Variants in SGTB observed in about 807,000 individuals in gnomAD.
SGTB encodes small glutamine-rich tetratricopeptide repeat-containing protein beta.
SGTB carries 19 observed loss-of-function variants against 43.9 expected under a neutral mutation model. The ratio of observed to expected loss-of-function variants is 0.43; its 90% CI spans 0.30 to 0.63. The LOEUF (loss-of-function observed/expected upper bound fraction) is 0.63, where lower values mean the gene tolerates loss of function less well. Among genes scored for constraint, SGTB ranks in the 30% least tolerant of loss-of-function variants. The probability of loss-of-function intolerance (pLI) is 0.12; values close to 1 mark genes in which losing one functional copy is unlikely to be tolerated. For synonymous variants in SGTB, 116 were observed against 117.3 expected, an observed-to-expected ratio of 0.99 and a Z score of 0.07; for missense variants, 304 against 358.9, an observed-to-expected ratio of 0.85 and a Z score of 1.24.
At chr5:65,721,879 G>C (rs1758296209) in intron 1 of SGTB, 38 bp downstream of exon 1, 1 of 152,186 alleles carries the variant, frequency 6.6e-6, no homozygotes, top group African/African-American at 2.4e-5. Context: ...GGTCCGGAGC[G>C]GCGGGAGGCG....
intron 5 of SGTB, 69 bp downstream of exon 5, chr5:65,704,210 C>T: frequency 3.6e-6 from 4 of 1,106,800 alleles, no homozygotes; most frequent in Non-Finnish European, 3.8e-6. Context: ...TTAAGATTTG[C>T]ATTTTCCTTC....
intron 5 of SGTB, among the ~76,000 whole-genome samples, chr5:65,695,316 G>A (rs1358497844): frequency 1.1e-4 from 16 of 152,214 alleles, no homozygotes; most frequent in Admixed American, 1.0e-3. Flanking sequence ...AAGAGTGGGT[G>A]TAAGGAAGGA....
In SGTB at chr5:65,701,758, G is replaced by A. The variant is rs1482559716; in HGVS notation, c.374+2521C>T. ...CACCATTCTCCTGCCTCAGCCTCCT[G>A]AGTAGCTGGGACTACAGGCGCCTGC... On this transcript the variant is annotated intron_variant, in intron 5 of 10. Transcript: ENST00000381007. Among the ~76,000 whole-genome samples, 8 of 150,690 alleles carry A rather than the reference G, an allele frequency of 5.3e-5. 1 individual carries two copies. In the South Asian group the frequency reaches 1.5e-3, roughly 27 times the overall value.
chr5:65,709,283 G>T (rs939374246), intron 3 of SGTB, among the ~76,000 whole-genome samples: 1 of 151,466 alleles, frequency 6.6e-6, no homozygotes, highest in Admixed American at 6.6e-5. Flanking sequence ...TTTATAATAT[G>T]ATATTATATA....
intron 10 of SGTB, 23 bp downstream of exon 10, chr5:65,671,891 AT>A: frequency 6.2e-7 from 1 of 1,603,538 alleles, no homozygotes; most frequent in Non-Finnish European, 8.5e-7. Context: ...CATCTTCACT[AT>A]TTCTGTTTTA....
intron 2 of SGTB, among the ~76,000 whole-genome samples, chr5:65,717,690 T>C (rs1758177815): frequency 6.6e-6 from 1 of 151,974 alleles, no homozygotes; most frequent in Non-Finnish European, 1.5e-5. Flanking sequence ...TGAGAAAGTG[T>C]TAAAATGGTC....
rs114340754 is a variant in SGTB, at chr5:65,699,173, A to G, written c.374+5106T>C. Reference sequence around the variant, plus strand: ...TGAGTGGATAAAGAAGATGTGGTATATATGTATATACTATGGAATACTACT... The same window carrying G: ...TGAGTGGATAAAGAAGATGTGGTATGTATGTATATACTATGGAATACTACT... On this transcript the variant is annotated intron_variant, in intron 5 of 10. Coordinates refer to ENST00000381007, the MANE Select transcript of SGTB (RefSeq NM_019072.3). Among the ~76,000 whole-genome samples, 1,288 of 152,338 alleles carry G rather than the reference A, an allele frequency of 8.5e-3. 23 individuals carry two copies. The highest frequency in any genetic ancestry group is 0.029 in the African/African-American group (1,218 of 41,584).
At chr5:65,683,831 A>G (rs1757447020) in intron 6 of SGTB, among the ~76,000 whole-genome samples, 1 of 151,908 alleles carries the variant, frequency 6.6e-6, no homozygotes, top group Non-Finnish European at 1.5e-5. Flanking sequence ...CTGTAGTCCC[A>G]GCTACTCGGG....
At chr5:65,680,441 A>G in intron 8 of SGTB, 53 bp downstream of exon 8, 1 of 1,592,696 alleles carries the variant, frequency 6.3e-7, no homozygotes, top group Non-Finnish European at 8.6e-7. Flanking sequence ...TTGCATAGCT[A>G]CATAGTCTAT....
chr5:65,687,507 G>C (rs1300872862), intron 5 of SGTB, among the ~76,000 whole-genome samples: 1 of 152,116 alleles, frequency 6.6e-6, no homozygotes, highest in Non-Finnish European at 1.5e-5. Flanking sequence ...GTGCTTTCAG[G>C]ACAAAAACTT....
upstream of SGTB, chr5:65,722,543 C>A: frequency 1.2e-6 from 1 of 858,278 alleles, no homozygotes; most frequent in Non-Finnish European, 1.8e-6. Context: ...ACCCTCCCCG[C>A]GGCTTGCAAG....
At chr5:65,709,624 G>A (rs556604745) in intron 3 of SGTB, among the ~76,000 whole-genome samples, 100 of 152,156 alleles carry the variant, frequency 6.6e-4, no homozygotes, top group Admixed American at 1.9e-3. Context: ...TGATCCACCC[G>A]CCTCGGCCTC....
In SGTB at chr5:65,720,744, C is replaced by T; in HGVS notation, c.64G>A (p.Asp22Asn). ...TCTTGTTCATCCGAGGTGTAAGTGTCCATCTGACTTTGTTCCCGTAAGAAA... is the reference window on the plus strand; with the variant it reads ...TCTTGTTCATCCGAGGTGTAAGTGTTCATCTGACTTTGTTCCCGTAAGAAA... Reference protein sequence around the residue: ...IRFLREQSQMDTYTSDEQESL... With the variant: ...IRFLREQSQMNTYTSDEQESL... The change falls in exon 2 of 11, where the codon GAC (aspartate) becomes AAC (asparagine). Residue 22 changes from aspartate to asparagine, a missense_variant. Physicochemically the swap from Asp to Asn is conservative, Grantham distance 23. Coordinates refer to ENST00000381007, the MANE Select transcript of SGTB (RefSeq NM_019072.3). 6.2e-7 allele frequency: 1 copy of T among 1,613,968 alleles called. No homozygotes were observed. The highest frequency in any genetic ancestry group is 8.5e-7 in the Non-Finnish European group (1 of 1,179,954).
chr5:65,692,187 G>A (rs1757627400), intron 5 of SGTB, among the ~76,000 whole-genome samples: 1 of 152,064 alleles, frequency 6.6e-6, no homozygotes, highest in Non-Finnish European at 1.5e-5. Flanking sequence ...AATATGTGAG[G>A]AAATATATGT....
At position 65,671,895 on chromosome 5, in the gene SGTB, CT is replaced by C; in HGVS notation, c.803+19del. 6.2e-6 allele frequency: 10 copies of C among 1,607,440 alleles called. No individual in the cohort carries two copies. The highest frequency in any genetic ancestry group is 8.5e-6 in the Non-Finnish European group (10 of 1,175,280). On this transcript the variant is annotated intron_variant, in intron 10 of 10. Coordinates refer to ENST00000381007, the MANE Select transcript of SGTB (RefSeq NM_019072.3). ...AACATAAAATACATCTTCACTATTTCTGTTTTAAATAATACTTACGCTTGGA... is the reference window on the plus strand; with the variant it reads ...AACATAAAATACATCTTCACTATTTCGTTTTAAATAATACTTACGCTTGGA...
chr5:65,680,876 G>C, intron 6 of SGTB, 82 bp from the exon 7 acceptor site: 1 of 1,423,272 alleles, frequency 7.0e-7, no homozygotes, highest in South Asian at 1.3e-5. Flanking sequence ...ACGTCTGTCT[G>C]TCTTGGTATT....
intron 8 of SGTB, among the ~76,000 whole-genome samples, chr5:65,676,414 C>T (rs932241270): frequency 2.0e-5 from 3 of 152,068 alleles, no homozygotes; most frequent in African/African-American, 7.2e-5. Flanking sequence ...GCACCCAATA[C>T]AGGAACACCC....
intron 6 of SGTB, among the ~76,000 whole-genome samples, chr5:65,684,109 G>C (rs1259029262): frequency 6.6e-6 from 1 of 151,718 alleles, no homozygotes; most frequent in African/African-American, 2.4e-5. Context: ...TTTTGAGACA[G>C]GGTCTCACTC....
At chr5:65,672,519 T>C (rs1001274851) in intron 8 of SGTB, among the ~76,000 whole-genome samples, 7 of 152,194 alleles carry the variant, frequency 4.6e-5, no homozygotes, top group Non-Finnish European at 7.3e-5. Context: ...ACTGAGGATG[T>C]TGACAGCAGT....
Sources: allele counts gnomAD v4.1 joint callset (sites outside exome capture counted in the v4.1 genomes callset), GRCh38; gene constraint gnomAD v4.1.1; transcripts MANE v1.5; gene names NCBI Gene and HGNC (gene_info 2026-07-23, HGNC 2026-07-21).